QTGAL: variants seen among roughly 807,000 people sequenced by gnomAD.
The protein encoded by QTGAL is BGnT-like protein 1.
At chr17:83,042,881 C>A in the QTGAL span, among the ~76,000 whole-genome samples, 1 of 152,146 alleles carries the variant, frequency 6.6e-6, no homozygotes, top group Non-Finnish European at 1.5e-5. Context: ...AACTAGTAAT[C>A]AAAGAGTGCT....
chr17:82,982,173 C>T, the QTGAL span, among the ~76,000 whole-genome samples: 1 of 8,900 alleles, frequency 1.1e-4, no homozygotes, highest in Non-Finnish European at 2.0e-4. Flanking sequence ...GAGGAGCCTC[C>T]ATCCTTCTCA....
chr17:82,968,712 CT>C, the QTGAL span, among the ~76,000 whole-genome samples: 201 of 152,344 alleles, frequency 1.3e-3, 1 homozygote, highest in African/African-American at 4.1e-3. Flanking sequence ...TAAAATTTGT[CT>C]TGTTGGCCGG....
At chr17:82,960,298 C>T in the QTGAL span, 4 of 152,202 alleles carry the variant, frequency 2.6e-5, no homozygotes, top group East Asian at 1.9e-4. Flanking sequence ...GGGACCATCG[C>T]GGCTCCCACA....
the QTGAL span, chr17:82,946,969 G>A: frequency 9.7e-5 from 151 of 1,563,432 alleles, no homozygotes; most frequent in Middle Eastern, 8.3e-4. Flanking sequence ...CCTCAAAGGC[G>A]CCCCCTGTGA....
At chr17:83,024,376 G>A in the QTGAL span, among the ~76,000 whole-genome samples, 28 of 152,318 alleles carry the variant, frequency 1.8e-4, no homozygotes, top group Admixed American at 1.2e-3. Flanking sequence ...TTCTTGAACC[G>A]GAAATCAAGT....
chr17:83,018,152 A>G, the QTGAL span, among the ~76,000 whole-genome samples: 24 of 139,716 alleles, frequency 1.7e-4, no homozygotes, highest in South Asian at 4.6e-3. Context: ...GGTACCACAC[A>G]TGCTCCGCGA....
At chr17:83,051,592 G>A in the QTGAL span, 47 of 843,884 alleles carry the variant, frequency 5.6e-5, no homozygotes, top group Middle Eastern at 1.9e-3. Context: ...GGGGCCTAAG[G>A]GCTGCTCAGG....
chr17:82,965,713 G>T, the QTGAL span: 1 of 1,612,524 alleles, frequency 6.2e-7, no homozygotes. Flanking sequence ...AACCAGGTGG[G>T]CATGATCACC....
chr17:82,965,579 G>T, the QTGAL span: 1 of 1,420,012 alleles, frequency 7.0e-7, no homozygotes, highest in Non-Finnish European at 9.7e-7. Flanking sequence ...GGTGGCCAGT[G>T]TGCAGAGCCC....
At chr17:83,025,943 GC>G in the QTGAL span, among the ~76,000 whole-genome samples, 1 of 152,232 alleles carries the variant, frequency 6.6e-6, no homozygotes, top group Non-Finnish European at 1.5e-5. Flanking sequence ...GATGCTGGTG[GC>G]CTAAGCCAAT....
the QTGAL span, chr17:82,956,892 A>G: frequency 2.5e-6 from 3 of 1,201,376 alleles, no homozygotes; most frequent in African/African-American, 4.5e-5. The surrounding 1 kb of genome is among the most constrained non-coding windows in gnomAD (Gnocchi z 5.7). Flanking sequence ...GCAGCAGATA[A>G]CGTGCCAGGG....
At chr17:82,963,050 G>C in the QTGAL span, among the ~76,000 whole-genome samples, 2 of 152,202 alleles carry the variant, frequency 1.3e-5, no homozygotes, top group Non-Finnish European at 2.9e-5. Flanking sequence ...GGGAGAGGGG[G>C]AGGGGTCACA....
the QTGAL span, among the ~76,000 whole-genome samples, chr17:82,968,726 G>A: frequency 5.9e-5 from 9 of 152,328 alleles, no homozygotes; most frequent in African/African-American, 1.7e-4. Context: ...TTGGCCGGGC[G>A]CGGTGGCTCA....
At chr17:82,942,613 C>A in the QTGAL span, 1 of 962,896 alleles carries the variant, frequency 1.0e-6, no homozygotes, top group Non-Finnish European at 1.6e-6. Context: ...GACAGCTTTT[C>A]CTCTCTGCAC....
the QTGAL span, among the ~76,000 whole-genome samples, chr17:83,034,822 A>G: frequency 2.0e-5 from 3 of 152,238 alleles, no homozygotes; most frequent in Non-Finnish European, 4.4e-5. Context: ...GCCCGGACAC[A>G]TGGAACTGTG....
the QTGAL span, among the ~76,000 whole-genome samples, chr17:82,961,754 C>A: frequency 6.6e-6 from 1 of 152,244 alleles, no homozygotes; most frequent in African/African-American, 2.4e-5. Context: ...GGCTTATCCC[C>A]GAACACTCCC....
chr17:82,965,790 T>C, the QTGAL span: 62 of 1,543,238 alleles, frequency 4.0e-5, 1 homozygote, highest in East Asian at 1.1e-3. Context: ...AAAGAACAGC[T>C]TGTCACAAAC....
chr17:82,959,067 CTG>C, the QTGAL span, among the ~76,000 whole-genome samples: 1 of 49,442 alleles, frequency 2.0e-5, no homozygotes, highest in East Asian at 5.9e-4. Flanking sequence ...TGTGTGTACA[CTG>C]GGGGTGTATG....
chr17:83,001,114 C>A, the QTGAL span, among the ~76,000 whole-genome samples: 2 of 152,168 alleles, frequency 1.3e-5, no homozygotes, highest in Non-Finnish European at 2.9e-5. Flanking sequence ...TATACATCAA[C>A]AAAGCTATAC....
Sources: gnomAD v4.1 joint callset for allele counts (sites outside exome capture counted in the v4.1 genomes callset) on GRCh38, gnomAD v4.1.1 for gene constraint, Gnocchi (gnomAD v3.1) non-coding constraint, MANE v1.5 for transcripts, NCBI Gene and HGNC (gene_info 2026-07-23, HGNC 2026-07-21) for gene names.